The following CDC42BPA variants were observed in gnomAD, a reference collection of about 807,000 sequenced individuals.
CDC42BPA encodes the protein CDC42 binding protein kinase alpha, also known as serine/threonine-protein kinase MRCK alpha.
A neutral mutation model predicts 223.5 loss-of-function variants in CDC42BPA; 80 were observed. The observed-to-expected ratio is 0.36, with a 90% confidence interval of 0.30 to 0.43. The LOEUF is 0.43. Ranked by LOEUF, CDC42BPA falls within the 20% of genes least tolerant of loss-of-function variation. The pLI, the probability that CDC42BPA is intolerant of heterozygous loss-of-function variation, is 1.00. For missense variants in CDC42BPA, 1,743 were observed against 2,099.9 expected (o/e 0.83, Z 3.32); for synonymous variants, 694 against 718.6 (o/e 0.97, Z 0.55).
In CDC42BPA at chr1:226,994,357, T is replaced by G; in HGVS notation, c.5176A>C (p.Asn1726His). 1 of 1,592,976 alleles carries G rather than the reference T, an allele frequency of 6.3e-7. No homozygotes were observed. The highest frequency in any genetic ancestry group is 8.6e-7 in the Non-Finnish European group (1 of 1,168,084). Residue 1726 changes from asparagine to histidine, a missense_variant, in exon 37 of 37, where the codon AAC becomes CAC. This residue lies in a region of CDC42BPA where 200 missense variants were observed against 192.8 expected (regional missense o/e 1.04). Transcript: ENST00000366766. The surrounding 1 kb of genome is among the most constrained non-coding windows in gnomAD (Gnocchi z 4.0). ...PRHSTASNSS[N>H]LSSPPSPASP... ...GCTGGGCTTGGGGGGCTGCTTAGGT[T>G]GGAACTGTTGGAAGCTGTGGAATGC...
intron 3 of CDC42BPA, among the ~76,000 whole-genome samples, chr1:227,207,635 GAT>G (rs1280142540): frequency 6.6e-6 from 1 of 150,466 alleles, no homozygotes; most frequent in African/African-American, 2.4e-5. Context: ...TTGTTCTTGC[GAT>G]AGTTTACTAA....
At position 227,233,649 on chromosome 1, in the gene CDC42BPA, T is replaced by C. The variant is rs150230954; in HGVS notation, c.270+20415A>G. 3.1e-4 allele frequency among the ~76,000 whole-genome samples: 47 copies of C among 152,278 alleles called. No individual in the cohort carries two copies. In the East Asian group the frequency reaches 8.5e-3, roughly 28 times the overall value. ...CTATTAACCCTTTCAAAGAGCCATTTTGGGCCAGGCACGGTGGCTCACGCC... is the reference window on the plus strand; with the variant it reads ...CTATTAACCCTTTCAAAGAGCCATTCTGGGCCAGGCACGGTGGCTCACGCC... On this transcript the variant is annotated intron_variant, in intron 2 of 36. Coordinates refer to ENST00000366766, the MANE Select transcript of CDC42BPA (RefSeq NM_001394014.1).
chr1:227,286,939 T>A (rs2148621016), intron 1 of CDC42BPA, among the ~76,000 whole-genome samples: 1 of 152,164 alleles, frequency 6.6e-6, no homozygotes, highest in South Asian at 2.1e-4. Context: ...TTTTTAACAA[T>A]CAGATATTGG....
intron 5 of CDC42BPA, among the ~76,000 whole-genome samples, chr1:227,175,675 T>A (rs934319982): frequency 1.3e-5 from 2 of 152,176 alleles, no homozygotes; most frequent in Non-Finnish European, 1.5e-5. Context: ...AATTTTCCCA[T>A]CTTACGCCAC....
chr1:227,313,070 T>C (rs1159432626), intron 1 of CDC42BPA, among the ~76,000 whole-genome samples: 1 of 152,106 alleles, frequency 6.6e-6, no homozygotes, highest in Non-Finnish European at 1.5e-5. Flanking sequence ...ACCCTGTCTC[T>C]AAAATAAAGC....
At chr1:227,262,405 C>G (rs1684238519) in intron 1 of CDC42BPA, among the ~76,000 whole-genome samples, 1 of 151,740 alleles carries the variant, frequency 6.6e-6, no homozygotes, top group Non-Finnish European at 1.5e-5. Context: ...AATTGAAAAA[C>G]AGGGGAAAGT....
chr1:227,175,179 C>T (rs528867550), intron 5 of CDC42BPA, among the ~76,000 whole-genome samples: 2 of 152,102 alleles, frequency 1.3e-5, no homozygotes, highest in African/African-American at 4.8e-5. Context: ...ACTGATATAA[C>T]CCCTTTTGGA....
intron 24 of CDC42BPA, among the ~76,000 whole-genome samples, chr1:227,035,879 C>T (rs10495271): frequency 0.14 from 21,464 of 152,092 alleles, 1,896 homozygotes; most frequent in South Asian, 0.33. Flanking sequence ...AAGCATCTAA[C>T]CTTGTGAATA....
intron 11 of CDC42BPA, among the ~76,000 whole-genome samples, chr1:227,122,043 C>T (rs113482772): frequency 0.03 from 4,553 of 152,096 alleles, 200 homozygotes; most frequent in African/African-American, 0.1. Context: ...TCAGGTGATC[C>T]GCCCGCCTCA....
intron 12 of CDC42BPA, among the ~76,000 whole-genome samples, chr1:227,118,007 T>C (rs1183735945): frequency 6.6e-6 from 1 of 152,058 alleles, no homozygotes; most frequent in African/African-American, 2.4e-5. Context: ...AATAGACCCA[T>C]GTGAAGATAC....
chr1:227,247,251 A>G (rs1681145696), intron 2 of CDC42BPA, among the ~76,000 whole-genome samples: 1 of 151,732 alleles, frequency 6.6e-6, no homozygotes, highest in African/African-American at 2.4e-5. Context: ...TAATCCCAGC[A>G]CTTTGGGAGG....
intron 14 of CDC42BPA, among the ~76,000 whole-genome samples, chr1:227,108,856 T>C (rs533698138): frequency 3.9e-5 from 6 of 152,296 alleles, no homozygotes; most frequent in African/African-American, 1.2e-4. Flanking sequence ...CAAACCTAGA[T>C]GGTACAGCCT....
In CDC42BPA at chr1:227,071,133, A is replaced by G. The variant is rs76510584; in HGVS notation, c.2827+1075T>C. Reference sequence around the variant, plus strand: ...CTTTTGTTGTTAATTAAGAAATTCAATCCACAAGAATTTATTGAGCATCGA... The same window carrying G: ...CTTTTGTTGTTAATTAAGAAATTCAGTCCACAAGAATTTATTGAGCATCGA... On this transcript the variant is annotated intron_variant, in intron 20 of 36. Transcript: ENST00000366766. 7.2e-3 allele frequency among the ~76,000 whole-genome samples: 1,093 copies of G among 152,004 alleles called. 11 individuals carry two copies. Among genetic ancestry groups the G allele is most frequent in the African/African-American group, 0.025 (1,032 of 41,530 alleles).
At chr1:227,209,768 A>G (rs1262243251) in intron 3 of CDC42BPA, among the ~76,000 whole-genome samples, 2 of 149,774 alleles carry the variant, frequency 1.3e-5, no homozygotes, top group African/African-American at 2.5e-5. Context: ...CCAGTATTTT[A>G]TTGAGGATTT....
chr1:227,099,942 T>C (rs1355002747), intron 15 of CDC42BPA, among the ~76,000 whole-genome samples: 1 of 152,196 alleles, frequency 6.6e-6, no homozygotes, highest in African/African-American at 2.4e-5. Context: ...AGGAATTTTT[T>C]TCATTGTTAT....
intron 1 of CDC42BPA, among the ~76,000 whole-genome samples, chr1:227,258,832 T>C (rs1306113794): frequency 1.3e-5 from 2 of 150,350 alleles, no homozygotes; most frequent in South Asian, 4.1e-4. Context: ...GCACACTCTA[T>C]GATTAAAATA....
At position 227,055,231 on chromosome 1, in the gene CDC42BPA, T is replaced by C. The variant is rs988072608; in HGVS notation, c.2905-3246A>G. On this transcript the variant is annotated intron_variant, in intron 21 of 36. Coordinates refer to ENST00000366766, the MANE Select transcript of CDC42BPA (RefSeq NM_001394014.1). ...AACTAATGCTAATAACATTAATAGATTTAAGTATTTCATTTCTCGGTTACC... is the reference window on the plus strand; with the variant it reads ...AACTAATGCTAATAACATTAATAGACTTAAGTATTTCATTTCTCGGTTACC... Among the ~76,000 whole-genome samples, 4 of 152,224 alleles carry C rather than the reference T, an allele frequency of 2.6e-5. No homozygotes were observed. In the East Asian group the frequency reaches 7.7e-4, roughly 29 times the overall value.
Position 226,989,919 on chromosome 1 carries a change from A to C in CDC42BPA, c.*4349T>G, listed in dbSNP as rs1307568591. Reference sequence around the variant, plus strand: ...CAAAGTCTGGTTAATATTAAGTGATATCAACATAAAGTATTGGTGAGGAGT... The same window carrying C: ...CAAAGTCTGGTTAATATTAAGTGATCTCAACATAAAGTATTGGTGAGGAGT... On this transcript the variant is annotated 3_prime_UTR_variant, in exon 37 of 37. Transcript: ENST00000366766. 6.6e-6 allele frequency: 1 copy of C among 152,650 alleles called. No homozygotes were observed. Among genetic ancestry groups the C allele is most frequent in the Admixed American group, 6.5e-5 (1 of 15,294 alleles). The allele number at this position is 152,650 out of a possible 1,614,324, so 9.5% of individuals were successfully genotyped here. A position where few individuals can be genotyped will look rare whatever the true frequency, so the allele number is the denominator to read the frequency against.
At chr1:227,152,559 T>G (rs1228177392) in intron 6 of CDC42BPA, among the ~76,000 whole-genome samples, 2 of 151,936 alleles carry the variant, frequency 1.3e-5, no homozygotes, top group Non-Finnish European at 2.9e-5. Context: ...AAATGTAACT[T>G]CCAAACAAAG....
Sources: gnomAD v4.1 joint callset for allele counts (sites outside exome capture counted in the v4.1 genomes callset) on GRCh38, gnomAD v4.1.1 for gene constraint, gnomAD v4.1.1 regional missense constraint, Gnocchi (gnomAD v3.1) non-coding constraint, MANE v1.5 for transcripts, NCBI Gene and HGNC (gene_info 2026-07-23, HGNC 2026-07-21) for gene names.